SV2C: variants seen among roughly 807,000 people sequenced by gnomAD.
The protein encoded by SV2C is solute carrier family 22 member B3.
Under a neutral mutation model 79.7 loss-of-function variants are expected in SV2C, and 49 were observed. The observed-to-expected ratio is 0.61, with a 90% CI of 0.49 to 0.78. The LOEUF is 0.78. Among genes scored for constraint, SV2C ranks in the 30% least tolerant of loss-of-function variants. The probability of loss-of-function intolerance (pLI) is 0.00; values close to 1 mark genes in which losing one functional copy is unlikely to be tolerated. For synonymous variants in SV2C, 334 were observed against 333.2 expected, an observed-to-expected ratio of 1.00 and a Z score of -0.03; for missense variants, 833 against 912.9, an observed-to-expected ratio of 0.91 and a Z score of 1.13.
the SV2C span, among the ~76,000 whole-genome samples, chr5:76,044,753 G>A: frequency 6.6e-6 from 1 of 151,968 alleles, no homozygotes; most frequent in African/African-American, 2.4e-5. Context: ...CTTTTTAATG[G>A]GGTGGGTTGT....
At chr5:76,210,002 T>C in intron 4 of SV2C, 115 bp downstream of exon 4, 1 of 1,256,094 alleles carries the variant, frequency 8.0e-7, no homozygotes. Context: ...CATCATCATG[T>C]TTCTCCCTTT....
the SV2C span, among the ~76,000 whole-genome samples, chr5:75,963,523 ATTC>A: frequency 7.9e-5 from 12 of 151,796 alleles, no homozygotes; most frequent in Non-Finnish European, 1.6e-4. Flanking sequence ...TTTGGGTCTG[ATTC>A]TTCTTCTTTT....
At chr5:76,260,514 GC>G (rs1746430464) in intron 4 of SV2C, among the ~76,000 whole-genome samples, 1 of 152,154 alleles carries the variant, frequency 6.6e-6, no homozygotes, top group Admixed American at 6.5e-5. Context: ...TGAAGTCTAT[GC>G]CCATGCCTAT....
At chr5:76,285,345 AG>A in intron 5 of SV2C, 50 bp downstream of exon 5, 1 of 1,603,132 alleles carries the variant, frequency 6.2e-7, no homozygotes, top group Non-Finnish European at 8.5e-7. Context: ...TATTGGAAAA[AG>A]TTCCTTGTTA....
rs182275842 is a variant in SV2C, at chr5:76,135,781, T to C, written c.580+3451T>C. ...TTGCTGTGACTCAGAGTGGATTCTG[T>C]GGAAGTGAGCCCTCTGACTTAGCTT... is the stretch of plus-strand genomic sequence containing the variant. On this transcript the variant is annotated intron_variant, in intron 2 of 12. Coordinates refer to ENST00000502798, the MANE Select transcript of SV2C (RefSeq NM_014979.4). 5.2e-3 allele frequency among the ~76,000 whole-genome samples: 797 copies of C among 152,274 alleles called. 5 individuals are homozygous for C. The highest frequency in any genetic ancestry group is 0.018 in the African/African-American group (748 of 41,554).
downstream of SV2C, among the ~76,000 whole-genome samples, chr5:76,335,631 G>T (rs1400240063): frequency 6.6e-6 from 1 of 151,858 alleles, no homozygotes; most frequent in Non-Finnish European, 1.5e-5. Flanking sequence ...CTCTTAACGA[G>T]CATGCTGCCT....
intron 4 of SV2C, among the ~76,000 whole-genome samples, chr5:76,253,826 C>T (rs1325996144): frequency 6.6e-6 from 1 of 151,996 alleles, no homozygotes; most frequent in African/African-American, 2.4e-5. Context: ...TACCTACAGG[C>T]ATAATTTAAC....
At chr5:76,131,366 C>G (rs1748883455) in intron 1 of SV2C, among the ~76,000 whole-genome samples, 1 of 152,084 alleles carries the variant, frequency 6.6e-6, no homozygotes, top group African/African-American at 2.4e-5. Flanking sequence ...GTTTTATTCT[C>G]AGGGGAATTC....
chr5:76,237,002 C>A (rs997757593), intron 4 of SV2C, among the ~76,000 whole-genome samples: 6 of 152,186 alleles, frequency 3.9e-5, no homozygotes, highest in Admixed American at 2.6e-4. Flanking sequence ...TCACTCCGTC[C>A]TGATGCCCTG....
At chr5:76,353,066 C>A in intron 12 of SV2C, 1 of 451,906 alleles carries the variant, frequency 2.2e-6, no homozygotes, top group Non-Finnish European at 4.4e-6. Context: ...TCTGCCACCC[C>A]AGAAGCTAGG....
rs377492700 is a variant in SV2C at position 76,327,340 on chromosome 5, C to G, written c.*1793C>G. 76 of 152,280 alleles carry G rather than the reference C, an allele frequency of 5.0e-4. No individual in the cohort carries two copies. The highest frequency in any genetic ancestry group is 1.7e-3 in the African/African-American group (70 of 41,532). The allele number at this position is 152,280 out of a possible 1,614,324, so 9.4% of individuals were successfully genotyped here. A position where few individuals can be genotyped will look rare whatever the true frequency, so the allele number is the denominator to read the frequency against. ...GGCTAGAACATCAGGAAAACCCGAA[C>G]CAAAAACTGCAAAGGTGGCAGGAAG... On this transcript the variant is annotated 3_prime_UTR_variant, in exon 13 of 13. Transcript: ENST00000502798.
intron 4 of SV2C, among the ~76,000 whole-genome samples, chr5:76,215,366 A>G (rs1487189611): frequency 3.3e-5 from 5 of 152,204 alleles, no homozygotes; most frequent in Admixed American, 3.3e-4. Flanking sequence ...TGATCTGTTC[A>G]GTGTTTGAGT....
At chr5:76,056,800 T>G in the SV2C span, among the ~76,000 whole-genome samples, 2 of 151,942 alleles carry the variant, frequency 1.3e-5, no homozygotes, top group African/African-American at 4.8e-5. Flanking sequence ...TGAATAGAGG[T>G]GTTTATAATA....
the SV2C span, among the ~76,000 whole-genome samples, chr5:75,901,316 A>G: frequency 6.6e-6 from 1 of 152,150 alleles, no homozygotes; most frequent in Non-Finnish European, 1.5e-5. Flanking sequence ...CAGGACCCTG[A>G]GCTGCAGGTC....
At chr5:75,879,142 C>T in the SV2C span, among the ~76,000 whole-genome samples, 6 of 152,162 alleles carry the variant, frequency 3.9e-5, no homozygotes, top group African/African-American at 7.2e-5. Context: ...AAGGCCCCAC[C>T]TTCAACACCG....
chr5:75,998,782 C>T, the SV2C span, among the ~76,000 whole-genome samples: 2 of 151,926 alleles, frequency 1.3e-5, no homozygotes, highest in Non-Finnish European at 2.9e-5. Context: ...GAGCCAATTC[C>T]TCATAATAAA....
the SV2C span, among the ~76,000 whole-genome samples, chr5:75,848,915 T>A: frequency 6.6e-5 from 10 of 152,336 alleles, no homozygotes; most frequent in South Asian, 2.1e-3. Context: ...AGAAATATGA[T>A]AATATTCAAC....
At chr5:76,172,994 C>T (rs1464680918) in intron 2 of SV2C, among the ~76,000 whole-genome samples, 2 of 125,668 alleles carry the variant, frequency 1.6e-5, no homozygotes, top group African/African-American at 5.9e-5. Flanking sequence ...ACTATTGTCC[C>T]ATGACCCTGC....
chr5:75,969,987 T>C, the SV2C span, among the ~76,000 whole-genome samples: 1 of 152,044 alleles, frequency 6.6e-6, no homozygotes, highest in Non-Finnish European at 1.5e-5. Context: ...CAGACCACAG[T>C]GCAATCAAAC....
Sources: gnomAD v4.1 joint callset for allele counts (sites outside exome capture counted in the v4.1 genomes callset) on GRCh38, gnomAD v4.1.1 for gene constraint, MANE v1.5 for transcripts, NCBI Gene and HGNC (gene_info 2026-07-23, HGNC 2026-07-21) for gene names.